The following EXT2 variants were observed in gnomAD, a reference collection of about 807,000 sequenced individuals.
The protein encoded by EXT2 is exostosin glycosyltransferase 2.
Under a neutral mutation model 81.6 loss-of-function variants are expected in EXT2, and 53 were observed. That is an observed-to-expected ratio of 0.65 (90% CI 0.52 to 0.82). The LOEUF (loss-of-function observed/expected upper bound fraction) is 0.82. Among genes scored for constraint, EXT2 ranks in the 40% least tolerant of loss-of-function variants. The pLI is 0.00. For synonymous variants in EXT2, 320 were observed against 340.0 expected (o/e 0.94, Z 0.65); for missense variants, 774 against 910.2 (o/e 0.85, Z 1.93).
At position 44,210,900 on chromosome 11, in the gene EXT2, A is replaced by T. The variant is rs143425740; in HGVS notation, c.1662+3941A>T. On this transcript the variant is annotated intron_variant, in intron 10 of 13. Coordinates refer to ENST00000533608, the MANE Select transcript of EXT2 (RefSeq NM_207122.2). ...TGTAAATTCTTCCCAAATTGTATAG[A>T]TTCAAAACAATACAGTCAAAATCCC... 1.6e-4 allele frequency among the ~76,000 whole-genome samples: 24 copies of T among 152,340 alleles called. No individual in the cohort carries two copies. The East Asian group carries it at 4.6e-3, about 29-fold the overall frequency.
rs1334582137 is a variant in EXT2 at position 44,248,547 on chromosome 11, CTG to C, written c.*4263_*4264del. On this transcript the variant is annotated 3_prime_UTR_variant, in exon 14 of 14. Coordinates refer to ENST00000533608, the MANE Select transcript of EXT2 (RefSeq NM_207122.2). ...TCCCATTATACCAGCCATGCATCAT[CTG>C]TGAACAGGCCTTATTGAGCTTATCT... Among the ~76,000 whole-genome samples the C allele has an allele frequency of 6.6e-6, 1 of 152,250 alleles. No homozygotes were observed. The highest frequency in any genetic ancestry group is 1.5e-5 in the Non-Finnish European group (1 of 68,048).
intron 7 of EXT2, among the ~76,000 whole-genome samples, chr11:44,162,964 G>A (rs945982676): frequency 6.6e-6 from 1 of 152,184 alleles, no homozygotes; most frequent in Non-Finnish European, 1.5e-5. Context: ...TGATTAGTAT[G>A]TGGATAAATC....
chr11:44,157,418 GTGGCTGAGC>G (rs1413836043), intron 7 of EXT2, among the ~76,000 whole-genome samples: 1 of 152,186 alleles, frequency 6.6e-6, no homozygotes, highest in Non-Finnish European at 1.5e-5. Flanking sequence ...TCTATTCTAC[GTGGCTGAGC>G]TGGCATCCAA....
At chr11:44,222,821 C>T (rs1165202167) in intron 10 of EXT2, among the ~76,000 whole-genome samples, 1 of 150,706 alleles carries the variant, frequency 6.6e-6, no homozygotes, top group Non-Finnish European at 1.5e-5. Flanking sequence ...CTGTCAAAGA[C>T]CTTGTGAAGA....
chr11:44,180,956 C>G (rs1455080338), intron 8 of EXT2, among the ~76,000 whole-genome samples: 1 of 152,050 alleles, frequency 6.6e-6, no homozygotes, highest in Non-Finnish European at 1.5e-5. Context: ...CAAAAATTAG[C>G]TGGGCATGAT....
chr11:44,159,346 C>CT (rs142006509), intron 7 of EXT2, among the ~76,000 whole-genome samples: 3,761 of 150,448 alleles, frequency 0.025, 72 homozygotes, highest in Non-Finnish European at 0.037. Context: ...TTTCTTCAGT[C>CT]TTTTTTTTTC....
intron 7 of EXT2, among the ~76,000 whole-genome samples, chr11:44,142,586 C>G (rs936474841): frequency 2.6e-5 from 4 of 152,128 alleles, no homozygotes; most frequent in Non-Finnish European, 5.9e-5. Context: ...CTATACTGAA[C>G]TTTTTTAAAG....
intron 13 of EXT2, among the ~76,000 whole-genome samples, chr11:44,241,124 C>G (rs1210322337): frequency 6.6e-6 from 1 of 152,162 alleles, no homozygotes; most frequent in African/African-American, 2.4e-5. Context: ...TCAGAAATCT[C>G]AGTTGTATAG....
At chr11:44,158,828 C>T (rs1039568284) in intron 7 of EXT2, among the ~76,000 whole-genome samples, 4 of 151,862 alleles carry the variant, frequency 2.6e-5, no homozygotes, top group South Asian at 2.1e-4. Context: ...ATTTCTCCTT[C>T]ACTTGGGGGA....
chr11:44,125,575 T>C (rs1954388892), intron 5 of EXT2, among the ~76,000 whole-genome samples: 1 of 152,176 alleles, frequency 6.6e-6, no homozygotes, highest in African/African-American at 2.4e-5. Context: ...ATATTTGACA[T>C]TCCAAGGGTA....
intron 13 of EXT2, among the ~76,000 whole-genome samples, chr11:44,242,320 G>A (rs1449885456): frequency 6.6e-6 from 1 of 152,206 alleles, no homozygotes; most frequent in East Asian, 1.9e-4. Flanking sequence ...AATTTGAAGA[G>A]AGGGAAGCTG....
chr11:44,159,880 T>G (rs921220305), intron 7 of EXT2, among the ~76,000 whole-genome samples: 19 of 152,202 alleles, frequency 1.2e-4, no homozygotes, highest in Non-Finnish European at 2.2e-4. Flanking sequence ...ATTTCCTCAC[T>G]TTTATGTGGA....
At chr11:44,202,876 A>G (rs1489025883) in intron 9 of EXT2, among the ~76,000 whole-genome samples, 2 of 152,210 alleles carry the variant, frequency 1.3e-5, no homozygotes, top group Non-Finnish European at 2.9e-5. Flanking sequence ...AGCTGTTTCC[A>G]AAGACTGTGT....
At chr11:44,129,536 T>A (rs1954459158) in intron 6 of EXT2, among the ~76,000 whole-genome samples, 2 of 152,260 alleles carry the variant, frequency 1.3e-5, no homozygotes, top group Admixed American at 1.3e-4. Flanking sequence ...TCTTCTGGCC[T>A]GCTTACTCTC....
At chr11:44,194,098 G>T (rs1224684922) in intron 8 of EXT2, among the ~76,000 whole-genome samples, 1 of 152,192 alleles carries the variant, frequency 6.6e-6, no homozygotes, top group Non-Finnish European at 1.5e-5. Flanking sequence ...CCTAAGCTTT[G>T]CATCTCTTAG....
chr11:44,168,479 A>T (rs570050847), intron 7 of EXT2, among the ~76,000 whole-genome samples: 1 of 152,362 alleles, frequency 6.6e-6, no homozygotes, highest in South Asian at 2.1e-4. Flanking sequence ...GCATCAAACC[A>T]CAAATTGAAG....
chr11:44,117,840 C>A (rs1330652168), intron 4 of EXT2, among the ~76,000 whole-genome samples: 2 of 152,112 alleles, frequency 1.3e-5, no homozygotes, highest in East Asian at 1.9e-4. Context: ...TAACTCACTG[C>A]AGCCTTGAAC....
At chr11:44,146,191 A>G (rs1003468967) in intron 7 of EXT2, among the ~76,000 whole-genome samples, 35 of 152,150 alleles carry the variant, frequency 2.3e-4, no homozygotes, top group African/African-American at 7.5e-4. Flanking sequence ...CTTTAAGGAC[A>G]CCAGATTGGA....
chr11:44,204,274 T>G (rs560483669), intron 9 of EXT2, among the ~76,000 whole-genome samples: 1 of 152,350 alleles, frequency 6.6e-6, no homozygotes, highest in East Asian at 1.9e-4. Context: ...AATCTACAGG[T>G]CATGAGTGAC....
Sources: allele counts gnomAD v4.1 joint callset (sites outside exome capture counted in the v4.1 genomes callset), GRCh38; gene constraint gnomAD v4.1.1; transcripts MANE v1.5; gene names NCBI Gene and HGNC (gene_info 2026-07-23, HGNC 2026-07-21).